Variants in NFIB observed in about 807,000 individuals in gnomAD.
NFIB encodes nuclear factor I B, also known as nuclear factor 1 B-type.
Under a neutral mutation model 61.5 loss-of-function variants are expected in NFIB, and 11 were observed. The ratio of observed to expected loss-of-function variants is 0.18; its 90% CI spans 0.11 to 0.30. The LOEUF is 0.30. NFIB is among the 10% of genes least tolerant of loss of function. The probability of loss-of-function intolerance (pLI) is 1.00; values close to 1 mark genes in which losing one functional copy is unlikely to be tolerated. For missense variants in NFIB, 471 were observed against 608.9 expected (o/e 0.77, Z 2.38); for synonymous variants, 260 against 216.5 (o/e 1.20, Z -1.76).
At chr9:14,456,120 T>G in the NFIB span, among the ~76,000 whole-genome samples, 3 of 152,188 alleles carry the variant, frequency 2.0e-5, no homozygotes, top group East Asian at 5.8e-4. Flanking sequence ...ACCATTTCTG[T>G]AGGTCAAAAA....
At chr9:14,111,810 GC>G (rs2037420624) in intron 10 of NFIB, among the ~76,000 whole-genome samples, 1 of 151,980 alleles carries the variant, frequency 6.6e-6, no homozygotes, top group African/African-American at 2.4e-5. Context: ...GTTTTGTTTT[GC>G]TTTTTTTAAA....
At chr9:14,526,520 T>A in the NFIB span, among the ~76,000 whole-genome samples, 2 of 152,208 alleles carry the variant, frequency 1.3e-5, no homozygotes, top group South Asian at 4.1e-4. Flanking sequence ...ACTTTTGCAC[T>A]GAATATCAAT....
At chr9:14,283,731 G>A (rs1370206920) in intron 2 of NFIB, among the ~76,000 whole-genome samples, 1 of 152,176 alleles carries the variant, frequency 6.6e-6, no homozygotes, top group African/African-American at 2.4e-5. Context: ...TTGTGCGTTG[G>A]CATCCAGGAA....
chr9:14,160,106 T>G (rs894284412), intron 3 of NFIB, among the ~76,000 whole-genome samples: 10 of 152,356 alleles, frequency 6.6e-5, no homozygotes, highest in Non-Finnish European at 7.3e-5. Flanking sequence ...GTATTTACAC[T>G]ACATGTGTGC....
the NFIB span, among the ~76,000 whole-genome samples, chr9:14,482,698 C>T: frequency 6.6e-6 from 1 of 152,258 alleles, no homozygotes; most frequent in African/African-American, 2.4e-5. Context: ...CCATTTCTCC[C>T]AAATGAACCA....
At chr9:14,357,864 T>C (rs1290781508) in intron 1 of NFIB, 2 of 152,230 alleles carry the variant, frequency 1.3e-5, no homozygotes, top group Non-Finnish European at 2.9e-5. Context: ...TAAAATATCA[T>C]GCTAAGTAAG....
At chr9:14,219,381 T>TACAA (rs2051351020) in intron 2 of NFIB, among the ~76,000 whole-genome samples, 1 of 73,504 alleles carries the variant, frequency 1.4e-5, no homozygotes, top group Non-Finnish European at 2.4e-5. Context: ...AGCACTAGGG[T>TACAA]AAAAAAAAAA....
At chr9:14,409,550 G>A in the NFIB span, among the ~76,000 whole-genome samples, 3 of 152,192 alleles carry the variant, frequency 2.0e-5, no homozygotes, top group African/African-American at 7.2e-5. Context: ...TACTTCTAGG[G>A]TTAGAGAAGA....
At chr9:14,519,253 T>C in the NFIB span, among the ~76,000 whole-genome samples, 23 of 152,210 alleles carry the variant, frequency 1.5e-4, no homozygotes, top group East Asian at 1.4e-3. Flanking sequence ...TATAAGGATA[T>C]TGAGTGCCAG....
the NFIB span, among the ~76,000 whole-genome samples, chr9:14,470,007 G>A: frequency 6.6e-6 from 1 of 152,146 alleles, no homozygotes; most frequent in Non-Finnish European, 1.5e-5. Flanking sequence ...AGATTCACAC[G>A]GGGATGCAAA....
Position 14,196,075 on chromosome 9 carries a change from A to AT in NFIB, c.563-16296dup, listed in dbSNP as rs761303674. ...TGCTAATGGTGCTCCTAAATGAAGG[A>AT]TTTTTTTTTTCTATGTTCACGCTGG... is the stretch of plus-strand genomic sequence containing the variant. On this transcript the variant is annotated intron_variant, in intron 2 of 10. Coordinates refer to ENST00000380953, the MANE Select transcript of NFIB (RefSeq NM_001190737.2). 1.3e-3 allele frequency among the ~76,000 whole-genome samples: 201 copies of AT among 150,416 alleles called. 1 individual carries two copies. In the Middle Eastern group the frequency reaches 0.017, roughly 13 times the overall value.
At chr9:14,494,920 C>T in the NFIB span, among the ~76,000 whole-genome samples, 1 of 152,230 alleles carries the variant, frequency 6.6e-6, no homozygotes, top group East Asian at 1.9e-4. Flanking sequence ...ATCGTCACAA[C>T]TGCAATACTC....
intron 2 of NFIB, among the ~76,000 whole-genome samples, chr9:14,257,989 ACTGT>A (rs1379825976): frequency 6.6e-6 from 1 of 152,176 alleles, no homozygotes; most frequent in Non-Finnish European, 1.5e-5. Context: ...AATTTACTAA[ACTGT>A]CTGAGCAGTG....
the NFIB span, among the ~76,000 whole-genome samples, chr9:14,428,354 G>A: frequency 6.6e-6 from 1 of 152,120 alleles, no homozygotes; most frequent in Non-Finnish European, 1.5e-5. Context: ...GAATGCTACA[G>A]CCTCAACTCT....
intron 1 of NFIB, among the ~76,000 whole-genome samples, chr9:14,396,659 A>C (rs1290142615): frequency 2.0e-5 from 3 of 152,224 alleles, no homozygotes; most frequent in Admixed American, 6.5e-5. Flanking sequence ...AGGATACTAT[A>C]TATTATCCCT....
chr9:14,332,594 G>T (rs1452065985), intron 1 of NFIB, among the ~76,000 whole-genome samples: 1 of 152,180 alleles, frequency 6.6e-6, no homozygotes, highest in Non-Finnish European at 1.5e-5. Context: ...CCGGAGCAGT[G>T]TCCAAAAGGT....
Position 14,118,909 on chromosome 9 carries a change from T to C in NFIB, c.1245+1531A>G, listed in dbSNP as rs1317665080. On this transcript the variant is annotated intron_variant, in intron 8 of 10. Coordinates refer to ENST00000380953, the MANE Select transcript of NFIB (RefSeq NM_001190737.2). Reference sequence around the variant, plus strand: ...CTTAACTTATAAAGAAATTGAAATATACGTAAAACAAGCACTGAATAATTA... The same window carrying C: ...CTTAACTTATAAAGAAATTGAAATACACGTAAAACAAGCACTGAATAATTA... Among the ~76,000 whole-genome samples the C allele has an allele frequency of 4.6e-5, 7 of 151,706 alleles. No individual in the cohort carries two copies. The South Asian group carries it at 1.5e-3, about 31-fold the overall frequency.
At chr9:14,301,274 A>G (rs2059734298) in intron 2 of NFIB, among the ~76,000 whole-genome samples, 1 of 152,192 alleles carries the variant, frequency 6.6e-6, no homozygotes, top group Non-Finnish European at 1.5e-5. Flanking sequence ...AGTCCTCTCC[A>G]ATTACCACGA....
At chr9:14,403,578 A>T (rs1253814714), upstream of NFIB, among the ~76,000 whole-genome samples, 1 of 151,848 alleles carries the variant, frequency 6.6e-6, no homozygotes, top group African/African-American at 2.4e-5. Context: ...AGCTCATTGA[A>T]CATATAACTT....
Sources: allele counts gnomAD v4.1 joint callset (sites outside exome capture counted in the v4.1 genomes callset), GRCh38; gene constraint gnomAD v4.1.1; transcripts MANE v1.5; gene names NCBI Gene and HGNC (gene_info 2026-07-23, HGNC 2026-07-21).